PTDSS1: variants seen among roughly 807,000 people sequenced by gnomAD.
PTDSS1 encodes the protein phosphatidylserine synthase 1, also known as PSS-1.
A neutral mutation model predicts 70.5 loss-of-function variants in PTDSS1; 45 were observed. That is an observed-to-expected ratio of 0.64 (90% CI 0.50 to 0.82). The LOEUF is 0.82. PTDSS1 is among the 40% of genes least tolerant of loss of function. The pLI is 0.00. For missense variants in PTDSS1, 417 were observed against 586.1 expected (o/e 0.71, Z 2.98); for synonymous variants, 188 against 203.8 (o/e 0.92, Z 0.66).
chr8:96,285,299 C>T (rs1329809617), intron 3 of PTDSS1, among the ~76,000 whole-genome samples: 1 of 152,168 alleles, frequency 6.6e-6, no homozygotes, highest in East Asian at 1.9e-4. Flanking sequence ...AGCTAGAAAC[C>T]ACTTCCAGGC....
At position 96,334,758 on chromosome 8, in the gene PTDSS1, A is replaced by C. The variant is rs1811571636; in HGVS notation, c.*1192A>C. 1 of 152,250 alleles carries C rather than the reference A, an allele frequency of 6.6e-6. No homozygotes were observed. Among genetic ancestry groups the C allele is most frequent in the African/African-American group, 2.4e-5 (1 of 41,476 alleles). The allele number at this position is 152,250 out of a possible 1,614,324, so 9.4% of individuals were successfully genotyped here. A position where few individuals can be genotyped will look rare whatever the true frequency, so the allele number is the denominator to read the frequency against. ...ACCCAAGTGACCAACAGGAATGAACAACATAGTCATTGTTTTTTCCTGTGG... is the reference window on the plus strand; with the variant it reads ...ACCCAAGTGACCAACAGGAATGAACCACATAGTCATTGTTTTTTCCTGTGG... On this transcript the variant is annotated 3_prime_UTR_variant, in exon 13 of 13. Transcript: ENST00000517309.
rs369301742 is a variant in PTDSS1, at chr8:96,282,078, G to A, written c.272-2031G>A. Among the ~76,000 whole-genome samples the A allele has an allele frequency of 6.6e-5, 10 of 152,308 alleles. No individual in the cohort carries two copies. In the South Asian group the frequency reaches 1.7e-3, roughly 25 times the overall value. On this transcript the variant is annotated intron_variant, in intron 2 of 12. Transcript: ENST00000517309. ...AATAATAGGTCATACAGTTTTAGAG[G>A]TGAACCTTATAAGAGGAAACTATAC...
intron 6 of PTDSS1, among the ~76,000 whole-genome samples, chr8:96,300,874 T>A (rs1438356536): frequency 6.6e-6 from 1 of 152,206 alleles, no homozygotes; most frequent in African/African-American, 2.4e-5. Context: ...TCGCCTTTTT[T>A]TTGGTAAATA....
intron 4 of PTDSS1, chr8:96,287,434 C>T (rs1810840155): frequency 5.3e-6 from 2 of 375,660 alleles, no homozygotes; most frequent in Admixed American, 8.8e-5. Flanking sequence ...AGTTGTGGGA[C>T]TTTGGGCAAA....
chr8:96,299,463 A>G (rs1219538388), intron 5 of PTDSS1, among the ~76,000 whole-genome samples: 1 of 152,214 alleles, frequency 6.6e-6, no homozygotes, highest in Non-Finnish European at 1.5e-5. Context: ...CTGTGTCAAA[A>G]AGAGAAGAGC....
chr8:96,293,704 T>C (rs1394258501), intron 4 of PTDSS1, among the ~76,000 whole-genome samples: 1 of 152,244 alleles, frequency 6.6e-6, no homozygotes, highest in Non-Finnish European at 1.5e-5. Flanking sequence ...ATAGAGCTAC[T>C]TAATAGAGTG....
At chr8:96,327,373 G>A (rs1247349360) in intron 10 of PTDSS1, among the ~76,000 whole-genome samples, 1 of 152,130 alleles carries the variant, frequency 6.6e-6, no homozygotes. Context: ...AGACATGAGA[G>A]AGGGACGTCG....
chr8:96,278,011 G>A (rs889047779), intron 2 of PTDSS1, among the ~76,000 whole-genome samples: 1 of 152,242 alleles, frequency 6.6e-6, no homozygotes, highest in Non-Finnish European at 1.5e-5. Flanking sequence ...TGAAGACCCA[G>A]CTTCTTTACC....
intron 2 of PTDSS1, among the ~76,000 whole-genome samples, chr8:96,279,818 C>CAAATAAATAAAT (rs10615614): frequency 0.023 from 3,382 of 148,580 alleles, 129 homozygotes; most frequent in African/African-American, 0.08. Context: ...TACTCCATCT[C>CAAATAAATAAAT]AAATAAATAA....
Position 96,331,016 on chromosome 8 carries a change from C to G in PTDSS1, c.1243-10C>G, listed in dbSNP as rs778259037. ...TAAAATTCCTGCACTAAGCCTGTCT[C>G]TCTCCCTAGACCTACTCGGAGTGTG... On this transcript the variant is annotated splice_polypyrimidine_tract_variant and intron_variant, in intron 11 of 12. Coordinates refer to ENST00000517309, the MANE Select transcript of PTDSS1 (RefSeq NM_014754.3). The G allele has an allele frequency of 6.2e-7, 1 of 1,610,712 alleles. No individual in the cohort carries two copies. The highest frequency in any genetic ancestry group is 1.7e-4 in the Middle Eastern group (1 of 6,048).
At position 96,333,479 on chromosome 8, in the gene PTDSS1, G is replaced by A. The variant is rs1811547345; in HGVS notation, c.1335G>A (p.Lys445=). ...GTKGSEDSPP[K]HAGNNESHSS... is the part of the protein sequence containing the mutation. ...CAGGTTCTGAAGACAGCCCACCCAA[G>A]CATGCAGGCAACAACGAAAGCCATT... Residue 445 remains lysine, a synonymous_variant, in exon 13 of 13, where the codon AAG becomes AAA. Coordinates refer to ENST00000517309, the MANE Select transcript of PTDSS1 (RefSeq NM_014754.3). 1 of 1,613,922 alleles carries A rather than the reference G, an allele frequency of 6.2e-7. No individual in the cohort carries two copies. Among genetic ancestry groups the A allele is most frequent in the Non-Finnish European group, 8.5e-7 (1 of 1,179,838 alleles).
At chr8:96,319,081 T>C (rs1811337099) in intron 9 of PTDSS1, among the ~76,000 whole-genome samples, 1 of 151,944 alleles carries the variant, frequency 6.6e-6, no homozygotes, top group African/African-American at 2.4e-5. Context: ...GCCTGGCTAA[T>C]TTTTGTATTA....
intron 9 of PTDSS1, among the ~76,000 whole-genome samples, chr8:96,315,049 A>G (rs1167060895): frequency 6.6e-6 from 1 of 152,058 alleles, no homozygotes; most frequent in Non-Finnish European, 1.5e-5. Flanking sequence ...GATTCTTTGG[A>G]AGTTAGAAAG....
At chr8:96,323,389 G>A (rs111899085) in intron 10 of PTDSS1, among the ~76,000 whole-genome samples, 2,555 of 152,314 alleles carry the variant, frequency 0.017, 67 homozygotes, top group African/African-American at 0.057. Context: ...TAGGCAGTTC[G>A]CCGCATCCTT....
chr8:96,305,652 G>A (rs548087047), intron 7 of PTDSS1, among the ~76,000 whole-genome samples: 10 of 152,182 alleles, frequency 6.6e-5, no homozygotes, highest in Middle Eastern at 3.4e-3. Flanking sequence ...CGAGTCCATC[G>A]TCATCTCTCA....
chr8:96,320,543 T>A (rs914616374), intron 10 of PTDSS1, among the ~76,000 whole-genome samples, 198 bp downstream of exon 10: 1 of 152,072 alleles, frequency 6.6e-6, no homozygotes, highest in Non-Finnish European at 1.5e-5. Context: ...CTGAAATAGG[T>A]CACCTCAGCA....
chr8:96,268,949 A>G (rs886312776), intron 1 of PTDSS1, among the ~76,000 whole-genome samples: 8 of 152,178 alleles, frequency 5.3e-5, no homozygotes, highest in Non-Finnish European at 1.0e-4. Flanking sequence ...CTACTATGGC[A>G]GGTGGATGCC....
intron 10 of PTDSS1, among the ~76,000 whole-genome samples, chr8:96,330,004 A>G (rs1053686145): frequency 6.6e-6 from 1 of 152,232 alleles, no homozygotes; most frequent in Non-Finnish European, 1.5e-5. Context: ...CACAGGTAGT[A>G]ACTGTGGTCT....
chr8:96,266,203 A>G (rs1465146118), intron 1 of PTDSS1, among the ~76,000 whole-genome samples: 2 of 152,266 alleles, frequency 1.3e-5, no homozygotes, highest in Non-Finnish European at 2.9e-5. Context: ...ACCTGCCATT[A>G]AACAGTAGAA....
Sources: gnomAD v4.1 joint callset for allele counts (sites outside exome capture counted in the v4.1 genomes callset) on GRCh38, gnomAD v4.1.1 for gene constraint, MANE v1.5 for transcripts, NCBI Gene and HGNC (gene_info 2026-07-23, HGNC 2026-07-21) for gene names.